The following HMGA2 variants were observed in gnomAD, a reference collection of about 807,000 sequenced individuals.
HMGA2 encodes high mobility group protein HMGI-C.
Under a neutral mutation model 19.1 loss-of-function variants are expected in HMGA2, and 8 were observed. The ratio of observed to expected loss-of-function variants is 0.42; its 90% CI spans 0.25 to 0.76. The LOEUF (loss-of-function observed/expected upper bound fraction) is 0.76, where lower values mean the gene tolerates loss of function less well. HMGA2 is among the 30% of genes least tolerant of loss of function. The probability of loss-of-function intolerance (pLI) is 0.28; values close to 1 mark genes in which losing one functional copy is unlikely to be tolerated. For missense variants in HMGA2, 109 were observed against 136.3 expected (o/e 0.80, Z 1.00); for synonymous variants, 60 against 48.8 (o/e 1.23, Z -0.96).
In HMGA2 at chr12:65,842,320, A is replaced by G. The variant is rs192284215; in HGVS notation, c.249+3751A>G. 9.6e-3 allele frequency: 6,000 copies of G among 622,904 alleles called. 40 individuals carry two copies. The highest frequency in any genetic ancestry group is 0.012 in the Non-Finnish European group (3,989 of 341,572). The allele number at this position is 622,904 out of a possible 1,614,324, so 38.6% of individuals were successfully genotyped here. A position where few individuals can be genotyped will look rare whatever the true frequency, so the allele number is the denominator to read the frequency against. On this transcript the variant is annotated intron_variant, in intron 3 of 4. Transcript: ENST00000403681. ...GCATGCAAAGGGCTTAATAAAGAGC[A>G]TGGCACATAGGTAGTGCTCAGTAAA...
intron 3 of HMGA2, chr12:65,881,705 G>C (rs1277984073): frequency 1.4e-6 from 1 of 701,720 alleles, no homozygotes; most frequent in Non-Finnish European, 2.6e-6. Flanking sequence ...TGCTGAAGGA[G>C]AGCTTCACTC....
chr12:65,828,261 G>T (rs1404148720), intron 2 of HMGA2, 174 bp downstream of exon 2: 1 of 577,118 alleles, frequency 1.7e-6, no homozygotes, highest in African/African-American at 1.9e-5. Flanking sequence ...TTTGTAAGCA[G>T]ATGCTCAGCA....
rs1024135275 is a variant in HMGA2, at chr12:65,964,499, T to A, written c.*1207T>A. On this transcript the variant is annotated 3_prime_UTR_variant, in exon 5 of 5. Coordinates refer to ENST00000403681, the MANE Select transcript of HMGA2 (RefSeq NM_003483.6). ...CGGCTTGAGTTCACCATCTCTTCAT[T>A]CAAACTGCACTTTTAGCCAGAGATG... The A allele has an allele frequency of 1.4e-5, 3 of 219,258 alleles. No individual in the cohort carries two copies. The highest frequency in any genetic ancestry group is 2.8e-5 in the Non-Finnish European group (3 of 109,022). 13.6% of individuals were successfully genotyped at this position (219,258 alleles called of 1,614,324 possible).
intron 3 of HMGA2, among the ~76,000 whole-genome samples, chr12:65,898,684 G>T (rs568442698): frequency 3.1e-4 from 47 of 152,016 alleles, no homozygotes; most frequent in Non-Finnish European, 1.3e-4. Flanking sequence ...TATGTCCAGC[G>T]CATGATTCAC....
intron 3 of HMGA2, among the ~76,000 whole-genome samples, chr12:65,874,490 C>T (rs530819791): frequency 7.9e-5 from 12 of 152,176 alleles, no homozygotes; most frequent in African/African-American, 2.4e-4. Context: ...AGGAGGGAAA[C>T]CATTTGAAGA....
At chr12:65,960,657 T>C (rs1215233841) in intron 4 of HMGA2, among the ~76,000 whole-genome samples, 1 of 152,232 alleles carries the variant, frequency 6.6e-6, no homozygotes, top group African/African-American at 2.4e-5. Context: ...ATTCTGAGCA[T>C]GTGAGAGCCA....
At chr12:65,869,655 T>C (rs529177509) in intron 3 of HMGA2, among the ~76,000 whole-genome samples, 1 of 152,372 alleles carries the variant, frequency 6.6e-6, no homozygotes, top group East Asian at 1.9e-4. Context: ...TGTTTCACAA[T>C]GTAGGTAATA....
At chr12:65,930,805 G>A (rs912604633) in intron 3 of HMGA2, among the ~76,000 whole-genome samples, 3 of 152,016 alleles carry the variant, frequency 2.0e-5, no homozygotes, top group African/African-American at 4.8e-5. Flanking sequence ...TAAAACAATC[G>A]ATATCTTAAT....
At chr12:65,956,670 A>C (rs1172998464) in intron 4 of HMGA2, 8 of 152,152 alleles carry the variant, frequency 5.3e-5, no homozygotes, top group Admixed American at 1.3e-4. Flanking sequence ...AAAAAGCAAA[A>C]TTTAGTGTTT....
In HMGA2 at chr12:65,914,609, A is replaced by G. The variant is rs1018819035; in HGVS notation, c.250-36774A>G. 1.1e-4 allele frequency: 28 copies of G among 265,312 alleles called. 2 individuals carry two copies. The South Asian group carries it at 1.4e-3, about 13-fold the overall frequency. 16.4% of individuals were successfully genotyped at this position (265,312 alleles called of 1,614,324 possible). On this transcript the variant is annotated intron_variant, in intron 3 of 4. Coordinates refer to ENST00000403681, the MANE Select transcript of HMGA2 (RefSeq NM_003483.6). ...GTATACATATGTAACTAACCTGCACAATGTGCACATGTACCCTAAAACTTA... is the reference window on the plus strand; with the variant it reads ...GTATACATATGTAACTAACCTGCACGATGTGCACATGTACCCTAAAACTTA...
At chr12:65,892,922 T>C (rs1037520341) in intron 3 of HMGA2, among the ~76,000 whole-genome samples, 1 of 152,180 alleles carries the variant, frequency 6.6e-6, no homozygotes, top group Admixed American at 6.5e-5. Flanking sequence ...AAAATGGCCT[T>C]GATTCACAGG....
At chr12:65,961,531 C>A (rs1349624450) in intron 4 of HMGA2, among the ~76,000 whole-genome samples, 1 of 152,186 alleles carries the variant, frequency 6.6e-6, no homozygotes, top group East Asian at 1.9e-4. Context: ...TCCCACAAAA[C>A]CCAAAGCAGA....
chr12:65,850,424 A>G (rs1217184402), intron 3 of HMGA2, among the ~76,000 whole-genome samples: 2 of 152,050 alleles, frequency 1.3e-5, no homozygotes, highest in Non-Finnish European at 2.9e-5. Context: ...TGGGTTATGT[A>G]TATTATTGCT....
chr12:65,922,998 C>T (rs750684307), intron 3 of HMGA2, among the ~76,000 whole-genome samples: 20 of 152,164 alleles, frequency 1.3e-4, no homozygotes, highest in Non-Finnish European at 2.8e-4. Context: ...GTAAGTCCAA[C>T]TAAACATTTT....
chr12:65,855,810 C>T (rs1871712377), intron 3 of HMGA2: 1 of 152,982 alleles, frequency 6.5e-6, no homozygotes, highest in Non-Finnish European at 1.5e-5. Flanking sequence ...TTGGAGAATA[C>T]ATTTAGTATA....
intron 3 of HMGA2, among the ~76,000 whole-genome samples, chr12:65,949,885 G>C (rs1355858509): frequency 6.6e-6 from 1 of 152,058 alleles, no homozygotes; most frequent in Non-Finnish European, 1.5e-5. Context: ...TTTTAAATGG[G>C]CAAAGGATTT....
At chr12:65,885,253 T>C (rs976274897) in intron 3 of HMGA2, among the ~76,000 whole-genome samples, 5 of 152,172 alleles carry the variant, frequency 3.3e-5, no homozygotes, top group African/African-American at 1.2e-4. Context: ...TCTTCCTTTT[T>C]TTTCTGGTGC....
At chr12:65,827,779 T>C (rs1870280927) in intron 1 of HMGA2, among the ~76,000 whole-genome samples, 1 of 152,214 alleles carries the variant, frequency 6.6e-6, no homozygotes, top group Non-Finnish European at 1.5e-5. Context: ...GAATCTAGTT[T>C]TCATATACAA....
intron 3 of HMGA2, among the ~76,000 whole-genome samples, chr12:65,933,935 G>A (rs556599330): frequency 1.3e-5 from 2 of 152,180 alleles, no homozygotes; most frequent in East Asian, 1.9e-4. Flanking sequence ...AACTGCCCTG[G>A]GACAGAGTAT....
Sources: gnomAD v4.1 joint callset for allele counts (sites outside exome capture counted in the v4.1 genomes callset) on GRCh38, gnomAD v4.1.1 for gene constraint, MANE v1.5 for transcripts, NCBI Gene and HGNC (gene_info 2026-07-23, HGNC 2026-07-21) for gene names.